INSYN2A: variants seen among roughly 807,000 people sequenced by gnomAD.
INSYN2A encodes the protein family with sequence similarity 196 member A.
INSYN2A carries 17 observed loss-of-function variants against 39.4 expected under a neutral mutation model. The ratio of observed to expected loss-of-function variants is 0.43; its 90% CI spans 0.30 to 0.65. The LOEUF is 0.65. Among genes scored for constraint, INSYN2A ranks in the 30% least tolerant of loss-of-function variants. The pLI is 0.14. For missense variants in INSYN2A, 595 were observed against 631.2 expected, an observed-to-expected ratio of 0.94 and a Z score of 0.61; for synonymous variants, 255 against 265.7, an observed-to-expected ratio of 0.96 and a Z score of 0.39.
chr10:127,175,936 C>G lies in INSYN2A; in HGVS notation c.460G>C (p.Gly154Arg). The change falls in exon 4 of 6, where the codon GGA (glycine) becomes CGA (arginine). Residue 154 changes from glycine (G) to arginine (R), a missense_variant. By Grantham distance (125) the Gly-to-Arg change is moderately radical. Around this residue, in one of 2 missense-constraint regions of INSYN2A, gnomAD observed 478 missense variants for 467.4 expected, o/e 1.02. Coordinates refer to ENST00000522781, the MANE Select transcript of INSYN2A (RefSeq NM_001039762.3). This position sits in a 1 kb window ranked among gnomAD's most constrained non-coding sequence, Gnocchi z 6.3. ...LTDAKEKNEA[G>R]PMEEARPCGA... Reference sequence around the variant, plus strand: ...CATGGCCGGGCCTCCTCCATGGGTCCAGCCTCGTTCTTCTCTTTCGCATCT... The same window carrying G: ...CATGGCCGGGCCTCCTCCATGGGTCGAGCCTCGTTCTTCTCTTTCGCATCT... 6.2e-7 allele frequency: 1 copy of G among 1,614,234 alleles called. No individual in the cohort carries two copies. Among genetic ancestry groups the G allele is most frequent in the Non-Finnish European group, 8.5e-7 (1 of 1,180,048 alleles).
At chr10:127,151,579 G>C (rs2052488542) in intron 5 of INSYN2A, among the ~76,000 whole-genome samples, 1 of 152,146 alleles carries the variant, frequency 6.6e-6, no homozygotes, top group Non-Finnish European at 1.5e-5. Context: ...CGGGTCTGCA[G>C]GCTACCGAGG....
At chr10:127,143,485 G>A (rs1450025979) in intron 5 of INSYN2A, among the ~76,000 whole-genome samples, 1 of 152,224 alleles carries the variant, frequency 6.6e-6, no homozygotes, top group Non-Finnish European at 1.5e-5. Context: ...TGATGGCTGA[G>A]ATGTGCTCCC....
intron 5 of INSYN2A, 58 bp downstream of exon 5, chr10:127,153,794 G>T: frequency 7.4e-7 from 1 of 1,343,266 alleles, no homozygotes; most frequent in Admixed American, 1.7e-5. Context: ...TGCATTTGTG[G>T]GTAAACATCA....
rs532195301 is a variant in INSYN2A at position 127,146,512 on chromosome 10, T to A, written c.1256+7340A>T. Among the ~76,000 whole-genome samples, 13 of 152,308 alleles carry A rather than the reference T, an allele frequency of 8.5e-5. 1 individual carries two copies. In the South Asian group the frequency reaches 2.7e-3, roughly 32 times the overall value. ...AGAAGAATTTAGAGATCTGTCAGAA[T>A]CATTCTTTTTTCCTGACTTCATTAA... On this transcript the variant is annotated intron_variant, in intron 5 of 5. Coordinates refer to ENST00000522781, the MANE Select transcript of INSYN2A (RefSeq NM_001039762.3).
At chr10:127,156,611 A>G (rs540407877) in intron 4 of INSYN2A, among the ~76,000 whole-genome samples, 1 of 111,312 alleles carries the variant, frequency 9.0e-6, no homozygotes, top group South Asian at 3.2e-4. Flanking sequence ...CTTGTTGCCC[A>G]GGCTGGAGTG....
At chr10:127,169,008 A>G (rs546688491) in intron 4 of INSYN2A, among the ~76,000 whole-genome samples, 1 of 152,330 alleles carries the variant, frequency 6.6e-6, no homozygotes, top group African/African-American at 2.4e-5. Flanking sequence ...ATATGAGGAC[A>G]TAAGATACAG....
chr10:127,170,337 T>TC (rs1162775654), intron 4 of INSYN2A, among the ~76,000 whole-genome samples: 1 of 152,092 alleles, frequency 6.6e-6, no homozygotes, highest in Non-Finnish European at 1.5e-5. Flanking sequence ...TCTTGCTCTC[T>TC]CCCCCTACCC....
chr10:127,153,974 G>T, intron 4 of INSYN2A, 51 bp from the exon 5 acceptor site: 1 of 1,333,928 alleles, frequency 7.5e-7, no homozygotes, highest in Non-Finnish European at 1.1e-6. Flanking sequence ...GGGGTCACTG[G>T]CTTTATAGAG....
rs1444455903 is a variant in INSYN2A, at chr10:127,136,126, T to C, written c.*1711A>G. The C allele has an allele frequency of 6.6e-6, 1 of 152,328 alleles. No homozygotes were observed. Among genetic ancestry groups the C allele is most frequent in the Non-Finnish European group, 1.5e-5 (1 of 68,038 alleles). The allele number at this position is 152,328 out of a possible 1,614,324, so 9.4% of individuals were successfully genotyped here. ...TGTGTGTGCACATGTGTGTTTTAAA[T>C]TAAAGCATACAACTGCAGTGTTGTT... On this transcript the variant is annotated 3_prime_UTR_variant, in exon 6 of 6. Coordinates refer to ENST00000522781, the MANE Select transcript of INSYN2A (RefSeq NM_001039762.3).
intron 4 of INSYN2A, among the ~76,000 whole-genome samples, chr10:127,174,590 C>A (rs2054901325): frequency 6.6e-6 from 1 of 152,168 alleles, no homozygotes; most frequent in Non-Finnish European, 1.5e-5. Context: ...CATAGGGCAG[C>A]CCGTGGGGAA....
rs145143312 is a variant in INSYN2A at position 127,159,247 on chromosome 10, C to A, written c.1185-5324G>T. ...AACCACCTTTCTTCACAGGACTTTG[C>A]TCTACTTTAAAGAAAGGAAAATAAA... On this transcript the variant is annotated intron_variant, in intron 4 of 5. Coordinates refer to ENST00000522781, the MANE Select transcript of INSYN2A (RefSeq NM_001039762.3). Among the ~76,000 whole-genome samples the A allele has an allele frequency of 2.1e-3, 322 of 152,266 alleles. 3 individuals are homozygous for A. Among genetic ancestry groups the A allele is most frequent in the Middle Eastern group, 0.01 (3 of 294 alleles).
chr10:127,144,411 G>A (rs1592205676), intron 5 of INSYN2A, among the ~76,000 whole-genome samples: 2 of 152,116 alleles, frequency 1.3e-5, no homozygotes, highest in South Asian at 4.1e-4. Context: ...TCTTCCCCCA[G>A]GTCTGTGAAC....
rs977728613 is a variant in INSYN2A at position 127,156,806 on chromosome 10, G to A, written c.1185-2883C>T. Among the ~76,000 whole-genome samples, 6 of 152,134 alleles carry A rather than the reference G, an allele frequency of 3.9e-5. No homozygotes were observed. The South Asian group carries it at 8.3e-4, about 21-fold the overall frequency. On this transcript the variant is annotated intron_variant, in intron 4 of 5. Transcript: ENST00000522781. Reference sequence around the variant, plus strand: ...TGGTCTTGAACTCCCAACCTCAAGTGATCTTCCCGCCTCGGCCTCCCAAAG... The same window carrying A: ...TGGTCTTGAACTCCCAACCTCAAGTAATCTTCCCGCCTCGGCCTCCCAAAG...
In INSYN2A at chr10:127,176,346, T is replaced by C; in HGVS notation, c.50A>G (p.Glu17Gly). 6.2e-7 allele frequency: 1 copy of C among 1,613,752 alleles called. No individual in the cohort carries two copies. The highest frequency in any genetic ancestry group is 8.5e-7 in the Non-Finnish European group (1 of 1,179,944). ...GGCCAGGCAGGCGGCGGGTTCCACT[T>C]CACTCTCCGACGTTGTGAGTATGCA... ...GKCILTTSES[E>G]VEPAACLALE... Residue 17 changes from glutamate to glycine, a missense_variant, in exon 4 of 6, where the codon GAA becomes GGA. Coordinates refer to ENST00000522781, the MANE Select transcript of INSYN2A (RefSeq NM_001039762.3). This position sits in a 1 kb window ranked among gnomAD's most constrained non-coding sequence, Gnocchi z 4.4.
chr10:127,146,670 C>A (rs186529680), intron 5 of INSYN2A, among the ~76,000 whole-genome samples: 14 of 152,280 alleles, frequency 9.2e-5, no homozygotes, highest in Admixed American at 8.5e-4. Context: ...AGGCAAAAGG[C>A]GAATTTCCCC....
intron 5 of INSYN2A, among the ~76,000 whole-genome samples, chr10:127,149,270 GCAGAGAAGCTCAGCC>G (rs1445400331): frequency 6.6e-6 from 1 of 152,054 alleles, no homozygotes; most frequent in African/African-American, 2.4e-5. Context: ...AAGAGAGAGG[GCAGAGAAGCTCAGCC>G]CTAACCTTGC....
chr10:127,178,947 T>C (rs2133941439), intron 2 of INSYN2A, among the ~76,000 whole-genome samples: 1 of 152,290 alleles, frequency 6.6e-6, no homozygotes, highest in East Asian at 1.9e-4. Context: ...AATCTTAACC[T>C]TCACTCTGAT....
intron 4 of INSYN2A, among the ~76,000 whole-genome samples, chr10:127,171,206 T>C (rs2054539960): frequency 6.6e-6 from 1 of 152,142 alleles, no homozygotes; most frequent in Non-Finnish European, 1.5e-5. Flanking sequence ...ATGAAAATAA[T>C]GAAGGAGAGT....
chr10:127,147,301 T>C (rs1404706411), intron 5 of INSYN2A, among the ~76,000 whole-genome samples: 1 of 152,162 alleles, frequency 6.6e-6, no homozygotes, highest in Non-Finnish European at 1.5e-5. Flanking sequence ...CCCTGGCTGT[T>C]TGTCCTCCTA....
Sources: gnomAD v4.1 joint callset for allele counts (sites outside exome capture counted in the v4.1 genomes callset) on GRCh38, gnomAD v4.1.1 for gene constraint, gnomAD v4.1.1 regional missense constraint, Gnocchi (gnomAD v3.1) non-coding constraint, MANE v1.5 for transcripts, NCBI Gene and HGNC (gene_info 2026-07-23, HGNC 2026-07-21) for gene names.